Variants in TEX11 observed in about 807,000 individuals in gnomAD.
TEX11 encodes the protein testis-expressed protein 11.
A neutral mutation model predicts 84.4 loss-of-function variants in TEX11; 7 were observed. The observed-to-expected ratio is 0.08, with a 90% CI of 0.05 to 0.16. TEX11 has a LOEUF of 0.16. Ranked by LOEUF, TEX11 falls within the 10% of genes least tolerant of loss-of-function variation. The probability of loss-of-function intolerance (pLI) is 1.00; values close to 1 mark genes in which losing one functional copy is unlikely to be tolerated. For missense variants in TEX11, 551 were observed against 660.5 expected, an observed-to-expected ratio of 0.83 and a Z score of 1.82; for synonymous variants, 264 against 222.8, an observed-to-expected ratio of 1.18 and a Z score of -1.64.
chrX:70,782,134 A>G (rs1286800143), intron 9 of TEX11, among the ~76,000 whole-genome samples: 1 of 112,281 alleles, frequency 8.9e-6, no homozygotes, highest in Non-Finnish European at 1.9e-5. Flanking sequence ...CACAAACCCT[A>G]TAAGCCCGAA....
intron 20 of TEX11, among the ~76,000 whole-genome samples, chrX:70,611,394 C>T (rs2089258975): frequency 8.9e-6 from 1 of 111,765 alleles, no homozygotes; most frequent in African/African-American, 3.3e-5. Flanking sequence ...GGAACCAATG[C>T]TGGAGTAGGA....
At chrX:70,729,933 G>A (rs1051914451) in intron 11 of TEX11, among the ~76,000 whole-genome samples, 22 of 112,394 alleles carry the variant, frequency 2.0e-4, no homozygotes, top group African/African-American at 6.8e-4. Flanking sequence ...CCCACAAGGG[G>A]AAGTCCATCA....
intron 3 of TEX11, among the ~76,000 whole-genome samples, chrX:70,878,007 C>T (rs1477277172): frequency 9.0e-6 from 1 of 110,855 alleles, no homozygotes; most frequent in African/African-American, 3.3e-5. Flanking sequence ...AACTATACAC[C>T]TAAAGATAGT....
intron 4 of TEX11, among the ~76,000 whole-genome samples, chrX:70,867,134 A>T (rs927417266): frequency 3.6e-5 from 4 of 112,018 alleles, no homozygotes; most frequent in Non-Finnish European, 7.5e-5. Context: ...CCATCATCCC[A>T]GCCCAAAAAC....
At chrX:70,596,232 T>C (rs1325470607) in intron 24 of TEX11, among the ~76,000 whole-genome samples, 1 of 111,451 alleles carries the variant, frequency 9.0e-6, no homozygotes, top group Non-Finnish European at 1.9e-5. Context: ...ATAGAATAAG[T>C]AGGCAGAAAA....
At chrX:70,599,519 C>CT (rs11318970) in intron 24 of TEX11, among the ~76,000 whole-genome samples, 2 of 108,105 alleles carry the variant, frequency 1.9e-5, no homozygotes, top group African/African-American at 6.7e-5. Context: ...AACAAGTATT[C>CT]TTTTTTTTTT....
intron 4 of TEX11, among the ~76,000 whole-genome samples, chrX:70,869,036 GTAAAA>G (rs67299887): frequency 0.053 from 2,839 of 53,691 alleles, 86 homozygotes; most frequent in Middle Eastern, 0.076. Context: ...AGAACTTAAA[GTAAAA>G]TAAAATAAAA....
At chrX:70,612,978 T>C (rs766014606) in intron 20 of TEX11, among the ~76,000 whole-genome samples, 45 of 111,871 alleles carry the variant, frequency 4.0e-4, no homozygotes, top group African/African-American at 1.4e-3. Flanking sequence ...AAGAATTACA[T>C]TCTACTTCTG....
intron 13 of TEX11, among the ~76,000 whole-genome samples, chrX:70,704,748 A>G (rs1044999697): frequency 9.0e-6 from 1 of 110,639 alleles, no homozygotes; most frequent in Admixed American, 9.7e-5. Context: ...CCTATTCTGG[A>G]ATCTGAGAGA....
intron 8 of TEX11, among the ~76,000 whole-genome samples, chrX:70,812,547 G>A (rs1405869335): frequency 9.0e-6 from 1 of 111,068 alleles, no homozygotes; most frequent in Non-Finnish European, 1.9e-5. Flanking sequence ...AAGGGATCCA[G>A]TTTCAGCTTT....
chrX:70,626,756 T>G (rs2147556662), intron 18 of TEX11, among the ~76,000 whole-genome samples: 1 of 112,591 alleles, frequency 8.9e-6, no homozygotes, highest in East Asian at 2.8e-4. Flanking sequence ...ATTTTAAAAC[T>G]TCATGAAATG....
chrX:70,710,930 C>T (rs1213257369), intron 13 of TEX11, among the ~76,000 whole-genome samples: 3 of 108,938 alleles, frequency 2.8e-5, no homozygotes, highest in Non-Finnish European at 5.7e-5. Context: ...TAATGCTATC[C>T]CTCCCCACTC....
chrX:70,634,653 C>T (rs946593373), intron 17 of TEX11, among the ~76,000 whole-genome samples: 12 of 105,030 alleles, frequency 1.1e-4, no homozygotes, highest in African/African-American at 3.2e-4. Flanking sequence ...AAAGGCAATT[C>T]AACAGAGAAA....
chrX:70,706,165 A>G (rs993407470), intron 13 of TEX11, among the ~76,000 whole-genome samples: 1 of 110,983 alleles, frequency 9.0e-6, no homozygotes. Flanking sequence ...GTAGGGACAA[A>G]GATGAAGCTG....
chrX:70,679,782 G>GA (rs1423449629), intron 14 of TEX11, among the ~76,000 whole-genome samples: 4 of 104,201 alleles, frequency 3.8e-5, no homozygotes, highest in Non-Finnish European at 6.1e-5. Context: ...AGGGAGGTGG[G>GA]GGGGTCAGCC....
intron 10 of TEX11, among the ~76,000 whole-genome samples, chrX:70,741,074 G>A (rs2090730520): frequency 9.0e-6 from 1 of 110,623 alleles, no homozygotes; most frequent in African/African-American, 3.3e-5. Context: ...AGTATTTAAC[G>A]TATTTTATCA....
intron 16 of TEX11, among the ~76,000 whole-genome samples, chrX:70,659,519 A>G (rs1286169104): frequency 8.9e-6 from 1 of 111,957 alleles, no homozygotes; most frequent in Non-Finnish European, 1.9e-5. Flanking sequence ...CTTCAAACCC[A>G]TTAGGATGGC....
chrX:70,743,072 C>T (rs2090744213), intron 10 of TEX11, among the ~76,000 whole-genome samples: 1 of 111,839 alleles, frequency 8.9e-6, no homozygotes, highest in Admixed American at 9.5e-5. Flanking sequence ...CCCCTAAAAC[C>T]ACCATTTTAC....
At chrX:70,765,810 C>T (rs955850369) in intron 9 of TEX11, among the ~76,000 whole-genome samples, 2 of 111,510 alleles carry the variant, frequency 1.8e-5, no homozygotes, top group Middle Eastern at 4.2e-3. Flanking sequence ...GAAGAAATGA[C>T]GAACATCCAC....
Sources: allele counts gnomAD v4.1 joint callset (sites outside exome capture counted in the v4.1 genomes callset), GRCh38; gene constraint gnomAD v4.1.1; transcripts MANE v1.5; gene names NCBI Gene and HGNC (gene_info 2026-07-23, HGNC 2026-07-21).